Variants in RP1 observed in about 807,000 individuals in gnomAD.
RP1 encodes oxygen-regulated protein 1.
A neutral mutation model predicts 14.8 loss-of-function variants in RP1; 16 were observed. That is an observed-to-expected ratio of 1.08 (90% CI 0.73 to 1.65). RP1 has a LOEUF of 1.65. Among genes scored for constraint, RP1 ranks in the 40% most tolerant of loss-of-function variants. The pLI, the probability that RP1 is intolerant of heterozygous loss-of-function variation, is 0.00. For synonymous variants in RP1, 876 were observed against 883.6 expected (o/e 0.99, Z 0.15); for missense variants, 2,631 against 2,535.0 (o/e 1.04, Z -0.81).
At chr8:54,753,256 T>G (rs532645809) in intron 19 of RP1, among the ~76,000 whole-genome samples, 1 of 152,342 alleles carries the variant, frequency 6.6e-6, no homozygotes, top group South Asian at 2.1e-4. Context: ...TAACCTGTAT[T>G]GACAAATACC....
chr8:54,648,207 C>G (rs1392009464), intron 3 of RP1, among the ~76,000 whole-genome samples: 1 of 152,078 alleles, frequency 6.6e-6, no homozygotes, highest in Non-Finnish European at 1.5e-5. Flanking sequence ...TTATGAATTA[C>G]CTAGTCGCAG....
chr8:54,682,568 A>G (rs1807460279), intron 12 of RP1, among the ~76,000 whole-genome samples: 1 of 152,158 alleles, frequency 6.6e-6, no homozygotes, highest in African/African-American at 2.4e-5. Context: ...CTTTTTAATA[A>G]TCTCCATTCT....
At chr8:54,755,474 G>A (rs1367987365) in intron 20 of RP1, 4 of 778,838 alleles carry the variant, frequency 5.1e-6, no homozygotes, top group Non-Finnish European at 7.8e-6. Context: ...TCTCTCAATA[G>A]ACACAGAAAA....
At chr8:54,679,552 G>T (rs1339281377) in intron 10 of RP1, 2 of 1,535,704 alleles carry the variant, frequency 1.3e-6, no homozygotes, top group African/African-American at 1.4e-5. Flanking sequence ...ACTGGAGAAA[G>T]CATGACACTT....
At position 54,854,791 on chromosome 8, in the gene RP1, G is replaced by A. The variant is rs1387277695; in HGVS notation, c.3990+2063G>A. ...GAGGCAGGAGAATCACCTGAACCCG[G>A]GAATTGGAGGTTGCATTGAGCCAAG... On this transcript the variant is annotated intron_variant, in intron 26 of 28. Coordinates refer to the RP1 transcript ENST00000637698. Among the ~76,000 whole-genome samples the A allele has an allele frequency of 2.0e-5, 3 of 152,294 alleles. No individual in the cohort carries two copies. In the East Asian group the frequency reaches 5.8e-4, roughly 29 times the overall value.
At chr8:54,679,770 G>A (rs1807382777) in intron 11 of RP1, 2 of 1,533,118 alleles carry the variant, frequency 1.3e-6, no homozygotes, top group Non-Finnish European at 1.7e-6. Flanking sequence ...TCATACTGGT[G>A]TTTTCATTTG....
At chr8:54,794,289 T>C (rs542228292) in intron 24 of RP1, among the ~76,000 whole-genome samples, 29 of 152,004 alleles carry the variant, frequency 1.9e-4, no homozygotes, top group African/African-American at 6.7e-4. Flanking sequence ...GCTGGATGCA[T>C]TGCATTATCT....
downstream of RP1, among the ~76,000 whole-genome samples, chr8:54,633,965 CACTTTT>C (rs551051147): frequency 1.2e-3 from 179 of 152,010 alleles, no homozygotes; most frequent in African/African-American, 4.2e-3. Flanking sequence ...AGTAAAGAAG[CACTTTT>C]ACTTTAATAT....
intron 1 of RP1, among the ~76,000 whole-genome samples, chr8:54,619,193 A>T (rs1805798175): frequency 6.6e-6 from 1 of 152,194 alleles, no homozygotes; most frequent in Admixed American, 6.5e-5. Flanking sequence ...CCTCTGAGGA[A>T]GAAGGAAGGG....
At chr8:54,772,571 A>C (rs1809934824), downstream of RP1, among the ~76,000 whole-genome samples, 1 of 152,166 alleles carries the variant, frequency 6.6e-6, no homozygotes, top group African/African-American at 2.4e-5. Context: ...AGTGTTCCAG[A>C]AAAATTTATA....
At chr8:54,668,211 A>G (rs1394684719) in intron 7 of RP1, among the ~76,000 whole-genome samples, 1 of 152,082 alleles carries the variant, frequency 6.6e-6, no homozygotes, top group Admixed American at 6.6e-5. Flanking sequence ...CGTAATCACA[A>G]GCATTCCTAT....
intron 13 of RP1, among the ~76,000 whole-genome samples, chr8:54,700,527 A>C (rs2129343141): frequency 6.6e-6 from 1 of 152,268 alleles, no homozygotes; most frequent in African/African-American, 2.4e-5. Flanking sequence ...CCTACACTGT[A>C]GTTCATAGCA....
intron 24 of RP1, among the ~76,000 whole-genome samples, chr8:54,804,623 CA>C (rs146244946): frequency 0.029 from 4,347 of 151,818 alleles, 119 homozygotes; most frequent in African/African-American, 0.064. Flanking sequence ...ATTCTGACAA[CA>C]AAAAAACATT....
chr8:54,842,248 C>A (rs1563393131), intron 25 of RP1, among the ~76,000 whole-genome samples: 1 of 152,190 alleles, frequency 6.6e-6, no homozygotes, highest in East Asian at 1.9e-4. Flanking sequence ...ATCTAGGTCT[C>A]CATCACTGGC....
At chr8:54,855,969 A>ACG (rs1289638478) in intron 26 of RP1, among the ~76,000 whole-genome samples, 1 of 58,404 alleles carries the variant, frequency 1.7e-5, no homozygotes, top group East Asian at 1.2e-3. Context: ...ACACACACAC[A>ACG]CACCCCCTAT....
chr8:54,829,046 C>G (rs1811458572), intron 24 of RP1, among the ~76,000 whole-genome samples: 1 of 151,880 alleles, frequency 6.6e-6, no homozygotes, highest in Non-Finnish European at 1.5e-5. Context: ...GTGCCTACCA[C>G]CATGCCGGGC....
In RP1 at chr8:54,729,720, G is replaced by T. The variant is rs187257854; in HGVS notation, c.2521+3244G>T. Among the ~76,000 whole-genome samples the T allele has an allele frequency of 2.4e-4, 37 of 151,906 alleles. No homozygotes were observed. The South Asian group carries it at 6.7e-3, about 27-fold the overall frequency. On this transcript the variant is annotated intron_variant, in intron 17 of 22. Coordinates refer to the RP1 transcript ENST00000636932. ...TTAATAGAAGGTACTAATCATTAAAGAATTTTTCATAATAAATATTTTAAA... is the reference window on the plus strand; with the variant it reads ...TTAATAGAAGGTACTAATCATTAAATAATTTTTCATAATAAATATTTTAAA...
intron 21 of RP1, among the ~76,000 whole-genome samples, chr8:54,757,015 C>T (rs1482169603): frequency 1.3e-5 from 2 of 152,116 alleles, no homozygotes; most frequent in Non-Finnish European, 2.9e-5. Flanking sequence ...GTGGTATCTG[C>T]TTTTAAGTTT....
chr8:54,795,668 A>T (rs1334885209), intron 24 of RP1, among the ~76,000 whole-genome samples: 2 of 152,134 alleles, frequency 1.3e-5, no homozygotes, highest in African/African-American at 4.8e-5. Context: ...AAAAAATATC[A>T]TTCTCTAATC....
Sources: allele counts gnomAD v4.1 joint callset (sites outside exome capture counted in the v4.1 genomes callset), GRCh38; gene constraint gnomAD v4.1.1; transcripts MANE v1.5; gene names NCBI Gene and HGNC (gene_info 2026-07-23, HGNC 2026-07-21).